Variants in TRAPPC9 observed in about 807,000 individuals in gnomAD.
The protein encoded by TRAPPC9 is IKK2 binding protein.
In TRAPPC9, 83 loss-of-function variants were observed where a neutral mutation model predicts 124.0. The observed-to-expected ratio is 0.67, with a 90% confidence interval of 0.56 to 0.80. The LOEUF (loss-of-function observed/expected upper bound fraction) is 0.80. Ranked by LOEUF, TRAPPC9 falls within the 30% of genes least tolerant of loss-of-function variation. The pLI is 0.00. For missense variants in TRAPPC9, 1,302 were observed against 1,508.3 expected (o/e 0.86, Z 2.27); for synonymous variants, 638 against 617.5 (o/e 1.03, Z -0.49).
At chr8:139,971,717 A>C (rs1836082198) in intron 19 of TRAPPC9, among the ~76,000 whole-genome samples, 1 of 116,644 alleles carries the variant, frequency 8.6e-6, no homozygotes, top group Non-Finnish European at 1.9e-5. Flanking sequence ...GTTCATATAT[A>C]TATATACACA....
At chr8:140,246,418 A>G (rs2063989356) in intron 16 of TRAPPC9, among the ~76,000 whole-genome samples, 1 of 152,246 alleles carries the variant, frequency 6.6e-6, no homozygotes. Context: ...GACACTGTAC[A>G]AGGCTAGGAG....
At chr8:140,191,482 AAGTG>A (rs1459266147) in intron 17 of TRAPPC9, among the ~76,000 whole-genome samples, 2 of 152,176 alleles carry the variant, frequency 1.3e-5, no homozygotes, top group Non-Finnish European at 2.9e-5. Context: ...CTTTGGTGAC[AAGTG>A]AGTTCACGTG....
intron 21 of TRAPPC9, among the ~76,000 whole-genome samples, chr8:139,838,661 C>CGGG (rs145260856): frequency 1.3e-5 from 2 of 152,022 alleles, no homozygotes; most frequent in African/African-American, 4.8e-5. Flanking sequence ...GCTGTGATGA[C>CGGG]GGGTGGGTGG....
At chr8:140,389,756 G>A (rs934194208) in intron 7 of TRAPPC9, among the ~76,000 whole-genome samples, 5 of 149,198 alleles carry the variant, frequency 3.4e-5, no homozygotes, top group South Asian at 4.2e-4. Flanking sequence ...AATATGCTCC[G>A]TTTATGCATT....
rs762956437 is a variant in TRAPPC9, at chr8:140,123,533, CT to C, written c.2556+97925del. Among the ~76,000 whole-genome samples, 52 of 152,292 alleles carry C rather than the reference CT, an allele frequency of 3.4e-4. 1 individual carries two copies. Among genetic ancestry groups the C allele is most frequent in the Non-Finnish European group, 4.6e-4 (31 of 68,036 alleles). On this transcript the variant is annotated intron_variant, in intron 17 of 22. Transcript: ENST00000438773. ...CACTCTGCCATGGGCATCTGGGGTA[CT>C]GACATACTGCTTCCTCTCCAGCCAC... is the stretch of plus-strand genomic sequence containing the variant.
chr8:139,810,973 C>T (rs1480116658), intron 21 of TRAPPC9, among the ~76,000 whole-genome samples: 2 of 152,146 alleles, frequency 1.3e-5, no homozygotes, highest in African/African-American at 2.4e-5. Flanking sequence ...CTCATAGGAA[C>T]AAAGGCCAAA....
chr8:140,350,953 G>A (rs1313761958), intron 9 of TRAPPC9, among the ~76,000 whole-genome samples: 1 of 151,948 alleles, frequency 6.6e-6, no homozygotes, highest in East Asian at 2.0e-4. Context: ...AGGCTGGAGT[G>A]GAGCAAGGGA....
chr8:139,911,564 G>A (rs953141468), intron 19 of TRAPPC9, among the ~76,000 whole-genome samples: 1 of 152,008 alleles, frequency 6.6e-6, no homozygotes, highest in African/African-American at 2.4e-5. Flanking sequence ...AATAAGCCAG[G>A]TATGGTGATA....
rs145862996 is a variant in TRAPPC9 at position 139,915,932 on chromosome 8, G to T, written c.2811-5632C>A. 3.3e-3 allele frequency among the ~76,000 whole-genome samples: 495 copies of T among 152,298 alleles called. 2 individuals are homozygous for T. Among genetic ancestry groups the T allele is most frequent in the Non-Finnish European group, 5.9e-3 (402 of 68,028 alleles). On this transcript the variant is annotated intron_variant, in intron 19 of 22. Coordinates refer to ENST00000438773, the MANE Select transcript of TRAPPC9 (RefSeq NM_001160372.4). ...GTCACCCTGTGAGGAAGGGGCTTGTGCGTGTGAATGCACTTGGCACTTTGA... is the reference window on the plus strand; with the variant it reads ...GTCACCCTGTGAGGAAGGGGCTTGTTCGTGTGAATGCACTTGGCACTTTGA...
rs534364331 is a variant in TRAPPC9 at position 139,770,744 on chromosome 8, T to A, written c.3056-38542A>T. The stretch of plus-strand genomic sequence containing the variant: ...TGGAAAAGGAGAGGCCTCACAGAGA[T>A]GGACTGAGCCCTTAGCGTGGTGGGG... On this transcript the variant is annotated intron_variant, in intron 21 of 22. Coordinates refer to ENST00000438773, the MANE Select transcript of TRAPPC9 (RefSeq NM_001160372.4). Among the ~76,000 whole-genome samples the A allele has an allele frequency of 7.2e-5, 11 of 152,272 alleles. No individual in the cohort carries two copies. The South Asian group carries it at 8.3e-4, about 11-fold the overall frequency.
At chr8:140,031,791 T>C (rs996354157) in intron 17 of TRAPPC9, among the ~76,000 whole-genome samples, 1 of 152,088 alleles carries the variant, frequency 6.6e-6, no homozygotes, top group African/African-American at 2.4e-5. Context: ...AGGGATGGGT[T>C]TGAACAACAG....
At chr8:139,849,274 C>T (rs533510719) in intron 21 of TRAPPC9, among the ~76,000 whole-genome samples, 45 of 152,332 alleles carry the variant, frequency 3.0e-4, no homozygotes, top group African/African-American at 1.1e-3. Context: ...TAAGACACTG[C>T]TCTCTTGACA....
chr8:140,385,773 T>A (rs1418617669), intron 7 of TRAPPC9, among the ~76,000 whole-genome samples: 1 of 152,168 alleles, frequency 6.6e-6, no homozygotes, highest in South Asian at 2.1e-4. Flanking sequence ...TCTGAAACTA[T>A]TCCAATCAAT....
intron 17 of TRAPPC9, among the ~76,000 whole-genome samples, chr8:140,211,251 A>T (rs2063054985): frequency 1.3e-5 from 2 of 152,208 alleles, no homozygotes; most frequent in Non-Finnish European, 2.9e-5. Flanking sequence ...AATAAAAAAA[A>T]GTATTTTTTT....
chr8:140,276,174 C>T (rs1163509025), intron 14 of TRAPPC9, among the ~76,000 whole-genome samples: 2 of 152,098 alleles, frequency 1.3e-5, no homozygotes, highest in East Asian at 3.9e-4. Context: ...ACCATGAGGC[C>T]GCTGTTCTCT....
chr8:139,899,700 G>T (rs1330622177), intron 20 of TRAPPC9, among the ~76,000 whole-genome samples: 1 of 152,126 alleles, frequency 6.6e-6, no homozygotes, highest in Non-Finnish European at 1.5e-5. Context: ...TTCAGAGCAG[G>T]GTCACTGCTC....
intron 21 of TRAPPC9, among the ~76,000 whole-genome samples, chr8:139,860,630 A>G (rs114190125): frequency 0.022 from 3,354 of 152,268 alleles, 111 homozygotes; most frequent in African/African-American, 0.076. Context: ...CACTTCCTTC[A>G]GCACTTCCCC....
At position 139,907,234 on chromosome 8, in the gene TRAPPC9, T is replaced by G. The variant is rs959765151; in HGVS notation, c.2964+2913A>C. On this transcript the variant is annotated intron_variant, in intron 20 of 22. Transcript: ENST00000438773. The surrounding 1 kb of genome is among the most constrained non-coding windows in gnomAD (Gnocchi z 4.7). ...ACCGTAGCTGCTTCATAGACAGGTG[T>G]GCATCGACCCAGTGCAAGATCCCCA... Among the ~76,000 whole-genome samples, 1 of 152,076 alleles carries G rather than the reference T, an allele frequency of 6.6e-6. No individual in the cohort carries two copies. Among genetic ancestry groups the G allele is most frequent in the Non-Finnish European group, 1.5e-5 (1 of 68,014 alleles).
At chr8:140,370,379 T>A (rs1217214444) in intron 8 of TRAPPC9, among the ~76,000 whole-genome samples, 1 of 152,120 alleles carries the variant, frequency 6.6e-6, no homozygotes, top group Non-Finnish European at 1.5e-5. Flanking sequence ...CCTCAAGTGA[T>A]CCGCCCACCC....
Sources: gnomAD v4.1 joint callset for allele counts (sites outside exome capture counted in the v4.1 genomes callset) on GRCh38, gnomAD v4.1.1 for gene constraint, Gnocchi (gnomAD v3.1) non-coding constraint, MANE v1.5 for transcripts, NCBI Gene and HGNC (gene_info 2026-07-23, HGNC 2026-07-21) for gene names.